NR3C1: variants seen among roughly 807,000 people sequenced by gnomAD.
NR3C1 encodes the protein nuclear receptor subfamily 3 group C member 1.
In NR3C1, 14 loss-of-function variants were observed where a neutral mutation model predicts 74.0. That is an observed-to-expected ratio of 0.19 (90% CI 0.12 to 0.30). NR3C1 has a LOEUF of 0.30. Among genes scored for constraint, NR3C1 ranks in the 10% least tolerant of loss-of-function variants. The probability of loss-of-function intolerance (pLI) is 1.00; values close to 1 mark genes in which losing one functional copy is unlikely to be tolerated. For missense variants in NR3C1, 695 were observed against 909.8 expected, an observed-to-expected ratio of 0.76 and a Z score of 3.04; for synonymous variants, 308 against 332.5, an observed-to-expected ratio of 0.93 and a Z score of 0.80.
intron 4 of NR3C1, among the ~76,000 whole-genome samples, chr5:143,303,968 C>A (rs575956504): frequency 2.3e-4 from 35 of 152,056 alleles, no homozygotes; most frequent in Non-Finnish European, 4.4e-4. Flanking sequence ...CAACATCATA[C>A]CAAATGGGCA....
intron 1 of NR3C1, among the ~76,000 whole-genome samples, chr5:143,422,646 T>C (rs946064912): frequency 6.6e-6 from 1 of 152,186 alleles, no homozygotes; most frequent in Non-Finnish European, 1.5e-5. Context: ...AGAAGATGGC[T>C]GTCCATTTGT....
intron 2 of NR3C1, among the ~76,000 whole-genome samples, chr5:143,384,555 G>C (rs1836829980): frequency 6.6e-6 from 1 of 152,130 alleles, no homozygotes; most frequent in South Asian, 2.1e-4. Context: ...TAGAGAAATT[G>C]GTTAAGACAA....
At chr5:143,314,270 C>T in intron 2 of NR3C1, 102 bp from the exon 3 acceptor site, 1 of 1,279,862 alleles carries the variant, frequency 7.8e-7, no homozygotes. Context: ...TCACAGTGAA[C>T]TCTGGCTTCA....
chr5:143,403,619 G>A lies in NR3C1; in HGVS notation c.-422C>T. On this transcript the variant is annotated 5_prime_UTR_variant, in exon 1 of 9. Transcript: ENST00000394464. ...GGCGGCGGCGGAGGGAAGAGAGCGC[G>A]GACACGCGAAAGGGCAGCCCGGCCT... 3.0e-6 allele frequency: 3 copies of A among 986,416 alleles called. No individual in the cohort carries two copies. Among genetic ancestry groups the A allele is most frequent in the Non-Finnish European group, 3.6e-6 (3 of 830,824 alleles). 61.1% of individuals were successfully genotyped at this position (986,416 alleles called of 1,614,324 possible).
At chr5:143,356,208 T>A (rs554279525) in intron 2 of NR3C1, among the ~76,000 whole-genome samples, 1 of 152,324 alleles carries the variant, frequency 6.6e-6, no homozygotes, top group East Asian at 1.9e-4. Context: ...CTCATCAGTT[T>A]AAATATCTTT....
chr5:143,385,947 G>A (rs1837128048), intron 2 of NR3C1, among the ~76,000 whole-genome samples: 1 of 152,162 alleles, frequency 6.6e-6, no homozygotes, highest in Non-Finnish European at 1.5e-5. Context: ...CATTTTCACA[G>A]TGCTATAAAG....
chr5:143,329,061 A>G (rs925060088), intron 2 of NR3C1, among the ~76,000 whole-genome samples: 12 of 152,180 alleles, frequency 7.9e-5, no homozygotes, highest in African/African-American at 2.7e-4. Context: ...TGTATTAGTC[A>G]GTTTTTACAC....
rs995103622 is a variant in NR3C1, at chr5:143,294,026, T to A, written c.2023+1434A>T. 1.3e-5 allele frequency: 13 copies of A among 985,294 alleles called. No individual in the cohort carries two copies. The African/African-American group carries it at 2.1e-4, about 16-fold the overall frequency. The allele number at this position is 985,294 out of a possible 1,614,324, so 61.0% of individuals were successfully genotyped here. A position where few individuals can be genotyped will look rare whatever the true frequency, so the allele number is the denominator to read the frequency against. On this transcript the variant is annotated intron_variant, in intron 7 of 8. Coordinates refer to ENST00000394464, the MANE Select transcript of NR3C1 (RefSeq NM_000176.3). ...TAACATTAAACGTCTCTAGCAATGA[T>A]CTTTATCGGGTTCTCTTGCCTTGAC...
chr5:143,341,275 C>T (rs1446948968), intron 2 of NR3C1, among the ~76,000 whole-genome samples: 1 of 152,208 alleles, frequency 6.6e-6, no homozygotes, highest in Non-Finnish European at 1.5e-5. Flanking sequence ...GATCTGCTAA[C>T]TCAGAATCAG....
chr5:143,412,046 C>T (rs948172333), intron 1 of NR3C1, among the ~76,000 whole-genome samples: 1 of 152,032 alleles, frequency 6.6e-6, no homozygotes, highest in Non-Finnish European at 1.5e-5. Flanking sequence ...CTTCCAGGAA[C>T]TTTTTATGCT....
chr5:143,404,248 A>T, upstream of NR3C1: 1 of 985,358 alleles, frequency 1.0e-6, no homozygotes, highest in Non-Finnish European at 1.2e-6. Context: ...TCACTTCGAA[A>T]GGGGCTACGG....
At position 143,368,534 on chromosome 5, in the gene NR3C1, TACAC is replaced by T. The variant is rs201482184; in HGVS notation, c.1184+31118_1184+31121del. Among the ~76,000 whole-genome samples the T allele has an allele frequency of 9.7e-3, 1,407 of 144,966 alleles. 12 individuals are homozygous for T. Among genetic ancestry groups the T allele is most frequent in the African/African-American group, 0.027 (1,053 of 38,932 alleles). Reference sequence around the variant, plus strand: ...TATATACATACACATATATTCTAGATACACACACACACACACACACACACACACA... The same window carrying T: ...TATATACATACACATATATTCTAGATACACACACACACACACACACACACA... On this transcript the variant is annotated intron_variant, in intron 2 of 8. Transcript: ENST00000394464.
chr5:143,321,207 C>CT (rs1377423857), intron 2 of NR3C1, among the ~76,000 whole-genome samples: 7 of 152,178 alleles, frequency 4.6e-5, no homozygotes, highest in Non-Finnish European at 1.0e-4. Context: ...AACAAGGTAT[C>CT]TCGAGCATCT....
upstream of NR3C1, chr5:143,404,202 GCGCCGC>G (rs997931393): frequency 1.0e-6 from 1 of 985,378 alleles, no homozygotes; most frequent in African/African-American, 1.7e-5. Context: ...TGAGTGGCCC[GCGCCGC>G]CGCCGCCGGG....
chr5:143,344,419 C>A (rs1183163348), intron 2 of NR3C1, among the ~76,000 whole-genome samples: 1 of 152,096 alleles, frequency 6.6e-6, no homozygotes, highest in African/African-American at 2.4e-5. Flanking sequence ...CTTACAAAAA[C>A]CTTATGCATT....
chr5:143,352,969 T>C (rs1830484664), intron 2 of NR3C1, among the ~76,000 whole-genome samples: 1 of 152,236 alleles, frequency 6.6e-6, no homozygotes, highest in African/African-American at 2.4e-5. Flanking sequence ...TTACCCACAG[T>C]AGAAACTCTT....
intron 2 of NR3C1, among the ~76,000 whole-genome samples, chr5:143,358,502 A>T (rs1831582748): frequency 6.6e-6 from 1 of 152,234 alleles, no homozygotes. Flanking sequence ...TTAGCAAAGA[A>T]TTCCAAACAT....
chr5:143,305,801 G>GA (rs962946647), intron 4 of NR3C1, among the ~76,000 whole-genome samples: 9 of 152,184 alleles, frequency 5.9e-5, no homozygotes, highest in Non-Finnish European at 1.3e-4. Context: ...CTTCCTAGAT[G>GA]AAAGGTTCAA....
intron 2 of NR3C1, among the ~76,000 whole-genome samples, chr5:143,342,958 C>T (rs1191839001): frequency 6.6e-6 from 1 of 152,172 alleles, no homozygotes; most frequent in African/African-American, 2.4e-5. Context: ...GTGAAGTTTC[C>T]TGGCACCCAG....
Sources: allele counts gnomAD v4.1 joint callset (sites outside exome capture counted in the v4.1 genomes callset), GRCh38; gene constraint gnomAD v4.1.1; transcripts MANE v1.5; gene names NCBI Gene and HGNC (gene_info 2026-07-23, HGNC 2026-07-21).